The following ITGB8 variants were observed in gnomAD, a reference collection of about 807,000 sequenced individuals.
ITGB8 encodes integrin subunit beta 8.
A neutral mutation model predicts 89.5 loss-of-function variants in ITGB8; 30 were observed. The observed-to-expected ratio is 0.34, with a 90% CI of 0.25 to 0.45. The LOEUF (loss-of-function observed/expected upper bound fraction) is 0.45, where lower values mean the gene tolerates loss of function less well. Ranked by LOEUF, ITGB8 falls within the 20% of genes least tolerant of loss-of-function variation. The pLI, the probability that ITGB8 is intolerant of heterozygous loss-of-function variation, is 1.00. For synonymous variants in ITGB8, 335 were observed against 320.4 expected, an observed-to-expected ratio of 1.05 and a Z score of -0.49; for missense variants, 836 against 933.3, an observed-to-expected ratio of 0.90 and a Z score of 1.36.
chr7:20,398,806 T>A (rs1017535343), intron 8 of ITGB8, 54 bp from the exon 9 acceptor site: 2 of 1,315,126 alleles, frequency 1.5e-6, no homozygotes, highest in Non-Finnish European at 2.0e-6. Flanking sequence ...CTCTGCTTTG[T>A]TGCTGACATT....
chr7:20,397,599 T>C (rs1787140515), intron 8 of ITGB8, among the ~76,000 whole-genome samples: 1 of 152,264 alleles, frequency 6.6e-6, no homozygotes, highest in Non-Finnish European at 1.5e-5. Context: ...CATTTCCTTC[T>C]GATCTGCTGG....
At chr7:20,377,925 A>G (rs1335602291) in intron 3 of ITGB8, among the ~76,000 whole-genome samples, 1 of 152,228 alleles carries the variant, frequency 6.6e-6, no homozygotes, top group Non-Finnish European at 1.5e-5. Context: ...CCAAAAATAT[A>G]ATTTGATAAA....
intron 9 of ITGB8, 131 bp from the exon 10 acceptor site, chr7:20,401,590 G>A (rs1212723958): frequency 5.4e-6 from 3 of 551,662 alleles, no homozygotes; most frequent in East Asian, 6.2e-5. Flanking sequence ...GAGATTACAT[G>A]TGTTTCTTTT....
intron 3 of ITGB8, among the ~76,000 whole-genome samples, chr7:20,373,873 C>G (rs913721804): frequency 6.6e-6 from 1 of 151,994 alleles, no homozygotes; most frequent in African/African-American, 2.4e-5. Flanking sequence ...TTCGTTGTGC[C>G]CAGTACATCA....
intron 1 of ITGB8, among the ~76,000 whole-genome samples, chr7:20,359,224 G>A (rs1583487572): frequency 6.6e-6 from 1 of 152,072 alleles, no homozygotes; most frequent in East Asian, 1.9e-4. Flanking sequence ...TAAAACAAAT[G>A]AGCACAAGAG....
intron 2 of ITGB8, among the ~76,000 whole-genome samples, chr7:20,364,363 C>T (rs1785615047): frequency 6.6e-6 from 1 of 152,118 alleles, no homozygotes; most frequent in South Asian, 2.1e-4. Flanking sequence ...TCTTTAATGG[C>T]TTTTTGCTTG....
In ITGB8 at chr7:20,414,679, A is replaced by G. The variant is rs544005052; in HGVS notation, c.*4682A>G. On this transcript the variant is annotated 3_prime_UTR_variant, in exon 14 of 14. Transcript: ENST00000222573. ...TGTGGGTTTTTCCCCCTTGGCTCTG[A>G]TCACTTTAACTTCAAGCTTATGTAA... 42 of 152,432 alleles carry G rather than the reference A, an allele frequency of 2.8e-4. No homozygotes were observed. The highest frequency in any genetic ancestry group is 5.1e-4 in the Non-Finnish European group (35 of 67,966). The allele number at this position is 152,432 out of a possible 1,614,324, so 9.4% of individuals were successfully genotyped here. A position where few individuals can be genotyped will look rare whatever the true frequency, so the allele number is the denominator to read the frequency against.
chr7:20,351,620 A>C (rs747773384), intron 1 of ITGB8, among the ~76,000 whole-genome samples: 4 of 152,222 alleles, frequency 2.6e-5, no homozygotes, highest in Non-Finnish European at 5.9e-5. Context: ...ATATTTTTGA[A>C]TTTTGAAATG....
Position 20,410,015 on chromosome 7 carries a change from CTT to C in ITGB8, c.*19_*20del. ...ACTTCTAAAAAAAGATTTTTAAACA[CTT>C]AATGGGAAACTGGAATTGTTAATAA... is the stretch of plus-strand genomic sequence containing the variant. On this transcript the variant is annotated 3_prime_UTR_variant, in exon 14 of 14. Transcript: ENST00000222573. 6.3e-7 allele frequency: 1 copy of C among 1,598,020 alleles called. No individual in the cohort carries two copies. Among genetic ancestry groups the C allele is most frequent in the Non-Finnish European group, 8.5e-7 (1 of 1,173,546 alleles).
rs1247584647 is a variant in ITGB8, at chr7:20,414,006, A to T, written c.*4009A>T. On this transcript the variant is annotated 3_prime_UTR_variant, in exon 14 of 14. Transcript: ENST00000222573. ...TATAGCAAATTTTTATGTATAACTG[A>T]TTATACATATCCATATTTATATTTC... 1 of 151,890 alleles carries T rather than the reference A, an allele frequency of 6.6e-6. No homozygotes were observed. Among genetic ancestry groups the T allele is most frequent in the African/African-American group, 2.4e-5 (1 of 41,374 alleles). The allele number at this position is 151,890 out of a possible 1,614,324, so 9.4% of individuals were successfully genotyped here. A position where few individuals can be genotyped will look rare whatever the true frequency, so the allele number is the denominator to read the frequency against.
At chr7:20,407,810 G>T (rs1787606029) in intron 12 of ITGB8, among the ~76,000 whole-genome samples, 1 of 152,150 alleles carries the variant, frequency 6.6e-6, no homozygotes, top group African/African-American at 2.4e-5. Flanking sequence ...AAAAGCCCCG[G>T]CCTGACCTAA....
At chr7:20,386,825 T>C (rs1015797077) in intron 6 of ITGB8, among the ~76,000 whole-genome samples, 1 of 152,166 alleles carries the variant, frequency 6.6e-6, no homozygotes, top group Non-Finnish European at 1.5e-5. Flanking sequence ...TAGAATGGAA[T>C]ATTCTCATTA....
intron 3 of ITGB8, among the ~76,000 whole-genome samples, chr7:20,374,747 G>C (rs1786067305): frequency 6.6e-6 from 1 of 152,150 alleles, no homozygotes; most frequent in Non-Finnish European, 1.5e-5. Flanking sequence ...GGGAAGTAAA[G>C]CAGATTTGTC....
At chr7:20,340,727 T>G (rs1038067364) in intron 1 of ITGB8, among the ~76,000 whole-genome samples, 4 of 152,168 alleles carry the variant, frequency 2.6e-5, no homozygotes, top group African/African-American at 9.7e-5. Flanking sequence ...TTTAGGATTA[T>G]TTCTTAGTAA....
chr7:20,353,578 TAAC>T (rs970974254), intron 1 of ITGB8, among the ~76,000 whole-genome samples: 2 of 152,204 alleles, frequency 1.3e-5, no homozygotes, highest in Non-Finnish European at 2.9e-5. Flanking sequence ...ATCATTTCAT[TAAC>T]TTCTTTAAAA....
intron 1 of ITGB8, among the ~76,000 whole-genome samples, chr7:20,337,264 G>C (rs1784606873): frequency 6.6e-6 from 1 of 152,066 alleles, no homozygotes; most frequent in Non-Finnish European, 1.5e-5. Flanking sequence ...GGAATTTGTA[G>C]TCATTTTCAA....
At position 20,398,906 on chromosome 7, in the gene ITGB8, G is replaced by C. The variant is rs758789562; in HGVS notation, c.1193G>C (p.Gly398Ala). The C allele has an allele frequency of 5.0e-6, 8 of 1,604,624 alleles. No individual in the cohort carries two copies. The highest frequency in any genetic ancestry group is 2.7e-5 in the African/African-American group (2 of 74,376). Residue 398 changes from glycine to alanine, a missense_variant, in exon 9 of 14, where the codon GGC becomes GCC. Gly to Ala is a moderately conservative substitution (Grantham distance 60, BLOSUM62 0). Around this residue, in one of 5 missense-constraint regions of ITGB8, gnomAD observed 192 missense variants for 267.1 expected, o/e 0.72. Coordinates refer to ENST00000222573, the MANE Select transcript of ITGB8 (RefSeq NM_002214.3). ...VKVQVENQVQGIYFNITAICP... is the reference protein window; with the variant it reads ...VKVQVENQVQAIYFNITAICP... ...GTTCAGGTGGAAAACCAGGTACAAGGCATCTATTTTAACATTACCGCCATC... is the reference window on the plus strand; with the variant it reads ...GTTCAGGTGGAAAACCAGGTACAAGCCATCTATTTTAACATTACCGCCATC...
intron 11 of ITGB8, 33 bp downstream of exon 11, chr7:20,404,886 GA>G: frequency 6.3e-7 from 1 of 1,583,176 alleles, no homozygotes; most frequent in Non-Finnish European, 8.7e-7. Flanking sequence ...CATACACAAA[GA>G]ATAGCTACTT....
chr7:20,407,445 G>A (rs1787592780), intron 12 of ITGB8, among the ~76,000 whole-genome samples: 1 of 151,912 alleles, frequency 6.6e-6, no homozygotes, highest in African/African-American at 2.4e-5. Flanking sequence ...ACGGGCATTA[G>A]AAACTAACCT....
Sources: allele counts gnomAD v4.1 joint callset (sites outside exome capture counted in the v4.1 genomes callset), GRCh38; gene constraint gnomAD v4.1.1; regional missense constraint gnomAD v4.1.1; transcripts MANE v1.5; gene names NCBI Gene and HGNC (gene_info 2026-07-23, HGNC 2026-07-21).